The following PADI3 variants were observed in gnomAD, a reference collection of about 807,000 sequenced individuals.
PADI3 encodes the protein peptidyl arginine deiminase 3.
Under a neutral mutation model 71.5 loss-of-function variants are expected in PADI3, and 53 were observed. The observed-to-expected ratio is 0.74, with a 90% CI of 0.59 to 0.93. PADI3 has a LOEUF of 0.93. Ranked by LOEUF, PADI3 falls within the 40% of genes least tolerant of loss-of-function variation. The pLI is 0.00. For missense variants in PADI3, 821 were observed against 868.0 expected (o/e 0.95, Z 0.68); for synonymous variants, 361 against 347.5 (o/e 1.04, Z -0.43).
At chr1:17,282,119 C>T (rs993321480) in intron 15 of PADI3, among the ~76,000 whole-genome samples, 5 of 152,090 alleles carry the variant, frequency 3.3e-5, no homozygotes, top group African/African-American at 9.7e-5. Flanking sequence ...CCTTCCTGTT[C>T]GAGGCTATCT....
chr1:17,266,882 T>G, intron 5 of PADI3, 46 bp downstream of exon 5: 1 of 1,411,634 alleles, frequency 7.1e-7, no homozygotes, highest in Non-Finnish European at 1.0e-6. Context: ...GGGTCACTGC[T>G]CAGTTACCCC....
intron 1 of PADI3, among the ~76,000 whole-genome samples, chr1:17,257,466 T>C (rs2073042422): frequency 6.6e-6 from 1 of 152,252 alleles, no homozygotes; most frequent in South Asian, 2.1e-4. Flanking sequence ...CAAACAATGA[T>C]TGACTGTTCA....
Position 17,274,750 on chromosome 1 carries a change from C to T in PADI3, c.1271C>T (p.Pro424Leu). ...GTGGTGGCCAATGGGAAAGAGTACC[C>T]CCTGGGGAGGATCCTCATTGGGGGC... ...PPVVANGKEY[P>L]LGRILIGGNL... Residue 424 changes from proline to leucine, a missense_variant, in exon 11 of 16, where the codon CCC becomes CTC. Coordinates refer to ENST00000375460, the MANE Select transcript of PADI3 (RefSeq NM_016233.2). 6.2e-7 allele frequency: 1 copy of T among 1,613,968 alleles called. No homozygotes were observed. Among genetic ancestry groups the T allele is most frequent in the Non-Finnish European group, 8.5e-7 (1 of 1,179,920 alleles).
intron 10 of PADI3, 52 bp downstream of exon 10, chr1:17,273,499 A>G: frequency 8.2e-7 from 1 of 1,223,538 alleles, no homozygotes; most frequent in Non-Finnish European, 1.2e-6. Flanking sequence ...GCCTTACCCC[A>G]GGGGCCACAC....
chr1:17,260,459 C>T (rs912815709), intron 2 of PADI3, among the ~76,000 whole-genome samples: 23 of 152,260 alleles, frequency 1.5e-4, no homozygotes, highest in African/African-American at 5.3e-4. Context: ...TTAAGGAGCA[C>T]TGACCACGTG....
rs577891294 is a variant in PADI3 at position 17,255,007 on chromosome 1, C to A, written c.93-4571C>A. ...CTGGGATTATAGGCGTGAGCCACTGCGCCTGGCCCACCAGGCTCCAGCATT... is the reference window on the plus strand; with the variant it reads ...CTGGGATTATAGGCGTGAGCCACTGAGCCTGGCCCACCAGGCTCCAGCATT... On this transcript the variant is annotated intron_variant, in intron 1 of 15. Coordinates refer to ENST00000375460, the MANE Select transcript of PADI3 (RefSeq NM_016233.2). 3.3e-5 allele frequency among the ~76,000 whole-genome samples: 5 copies of A among 151,976 alleles called. No individual in the cohort carries two copies. In the East Asian group the frequency reaches 7.8e-4, roughly 24 times the overall value.
chr1:17,257,945 G>A (rs1180644041), intron 1 of PADI3, among the ~76,000 whole-genome samples: 2 of 152,204 alleles, frequency 1.3e-5, no homozygotes, highest in East Asian at 1.9e-4. Context: ...GGCTTTTTAT[G>A]TTATGGTATT....
intron 6 of PADI3, 70 bp from the exon 7 acceptor site, chr1:17,270,163 C>A: frequency 6.6e-7 from 1 of 1,514,998 alleles, no homozygotes; most frequent in African/African-American, 1.4e-5. Context: ...CAGACCTCTT[C>A]CTGTGTCCCT....
intron 1 of PADI3, among the ~76,000 whole-genome samples, chr1:17,251,298 T>G (rs2072963073): frequency 6.6e-6 from 1 of 152,200 alleles, no homozygotes; most frequent in Non-Finnish European, 1.5e-5. Context: ...CCCTCCCGGC[T>G]TGGAGGTGCC....
Position 17,270,228 on chromosome 1 carries a change from T to C in PADI3, c.653-5T>C. ...GTCACAGCCACCCCGTCCCTCCCCT[T>C]CCAGGTCCTGAGGATGTGTGTGAGG... On this transcript the variant is annotated splice_region_variant and splice_polypyrimidine_tract_variant and intron_variant, in intron 6 of 15. Transcript: ENST00000375460. The C allele has an allele frequency of 6.2e-7, 1 of 1,607,536 alleles. No individual in the cohort carries two copies. The highest frequency in any genetic ancestry group is 8.5e-7 in the Non-Finnish European group (1 of 1,176,294).
Position 17,283,196 on chromosome 1 carries a change from C to G in PADI3, c.*117C>G, listed in dbSNP as rs2073423120. ...AGACCCCAAGGCTCCAGATGGAACA[C>G]TGAGGGTGACCGTCCCTCTCAGAAG... On this transcript the variant is annotated 3_prime_UTR_variant, in exon 16 of 16. Transcript: ENST00000375460. 1 of 746,072 alleles carries G rather than the reference C, an allele frequency of 1.3e-6. No homozygotes were observed. Among genetic ancestry groups the G allele is most frequent in the African/African-American group, 1.8e-5 (1 of 56,666 alleles). The allele number at this position is 746,072 out of a possible 1,614,324, so 46.2% of individuals were successfully genotyped here.
chr1:17,249,421 A>G (rs1339107483), intron 1 of PADI3, among the ~76,000 whole-genome samples, 192 bp downstream of exon 1: 1 of 151,972 alleles, frequency 6.6e-6, no homozygotes, highest in African/African-American at 2.4e-5. Context: ...AGGGAATTTG[A>G]AGTTTGGGAG....
At position 17,265,661 on chromosome 1, in the gene PADI3, ATC is replaced by A. The variant is rs1490116104; in HGVS notation, c.355_356del (p.Leu119GlyfsTer7). Reference sequence around the variant, plus strand: ...TTACCCTCTGCCTCCTCTTGCAGACATCTCTCTGGATTGCGACCTGAACTGTG... The same window carrying A: ...TTACCCTCTGCCTCCTCTTGCAGACATCTCTGGATTGCGACCTGAACTGTG... ...YAVLYLTCVD[I>X]SLDCDLNCEG... On this transcript the variant is annotated frameshift_variant, in exon 4 of 16. Transcript: ENST00000375460. LOFTEE classifies it high-confidence loss of function. 1.9e-6 allele frequency: 3 copies of A among 1,613,956 alleles called. No homozygotes were observed. Among genetic ancestry groups the A allele is most frequent in the Non-Finnish European group, 2.5e-6 (3 of 1,179,956 alleles).
In PADI3 at chr1:17,280,704, C is replaced by T. The variant is rs140482516; in HGVS notation, c.1669C>T (p.Arg557Trp). ...CIDWNREVLKRELGLAECDII... is the reference protein window; with the variant it reads ...CIDWNREVLKWELGLAECDII... ...CGACTGGAACCGTGAGGTGCTGAAG[C>T]GGGAGCTGGGCCTGGCAGAGTGTGA... is the stretch of plus-strand genomic sequence containing the variant. Residue 557 changes from arginine (R) to tryptophan (W), a missense_variant, in exon 15 of 16, where the codon CGG becomes TGG. Coordinates refer to ENST00000375460, the MANE Select transcript of PADI3 (RefSeq NM_016233.2). 690 of 1,614,140 alleles carry T rather than the reference C, an allele frequency of 4.3e-4. 3 individuals carry two copies. The African/African-American group carries it at 6.4e-3, about 15-fold the overall frequency.
At chr1:17,274,302 G>T (rs2073295517) in intron 10 of PADI3, among the ~76,000 whole-genome samples, 1 of 152,238 alleles carries the variant, frequency 6.6e-6, no homozygotes, top group African/African-American at 2.4e-5. Context: ...GGCTGAACTT[G>T]CAGGAAGGCT....
At chr1:17,270,482 C>T in intron 7 of PADI3, 71 bp downstream of exon 7, 2 of 1,241,868 alleles carry the variant, frequency 1.6e-6, no homozygotes, top group Non-Finnish European at 1.1e-6. Flanking sequence ...AACCCCATCT[C>T]TACAAAAAAA....
intron 1 of PADI3, among the ~76,000 whole-genome samples, chr1:17,253,108 T>A (rs934686687): frequency 2.6e-5 from 4 of 152,202 alleles, no homozygotes; most frequent in African/African-American, 7.2e-5. Context: ...AAACGAAGGA[T>A]CTCTGACTAT....
chr1:17,283,179 A>G lies in PADI3; in HGVS notation c.*100A>G. ...GAACGATAAGCACCAAGAGACCCCA[A>G]GGCTCCAGATGGAACACTGAGGGTG... On this transcript the variant is annotated 3_prime_UTR_variant, in exon 16 of 16. Transcript: ENST00000375460. The G allele has an allele frequency of 3.3e-6, 3 of 898,078 alleles. No individual in the cohort carries two copies. Among genetic ancestry groups the G allele is most frequent in the Non-Finnish European group, 5.3e-6 (3 of 570,068 alleles). 55.6% of individuals were successfully genotyped at this position (898,078 alleles called of 1,614,324 possible). A position where few individuals can be genotyped will look rare whatever the true frequency, so the allele number is the denominator to read the frequency against.
intron 1 of PADI3, among the ~76,000 whole-genome samples, chr1:17,255,155 T>A (rs1278974935): frequency 6.6e-6 from 1 of 152,164 alleles, no homozygotes; most frequent in African/African-American, 2.4e-5. Context: ...ATAAGGTGGG[T>A]CTGAGGTTGG....
Sources: allele counts gnomAD v4.1 joint callset (sites outside exome capture counted in the v4.1 genomes callset), GRCh38; gene constraint gnomAD v4.1.1; transcripts MANE v1.5; gene names NCBI Gene and HGNC (gene_info 2026-07-23, HGNC 2026-07-21).